Variants in VPS13B observed in about 807,000 individuals in gnomAD.
VPS13B encodes the protein intermembrane lipid transfer protein VPS13B.
A neutral mutation model predicts 426.4 loss-of-function variants in VPS13B; 285 were observed. That is an observed-to-expected ratio of 0.67 (90% CI 0.61 to 0.74). The LOEUF (loss-of-function observed/expected upper bound fraction) is 0.74. VPS13B is among the 30% of genes least tolerant of loss of function. VPS13B has a pLI of 0.00. For missense variants in VPS13B, 4,537 were observed against 4,782.6 expected (o/e 0.95, Z 1.51); for synonymous variants, 1,676 against 1,676.4 (o/e 1.00, Z 0.01).
intron 17 of VPS13B, among the ~76,000 whole-genome samples, chr8:99,224,501 A>C (rs1305397708): frequency 1.3e-5 from 2 of 152,200 alleles, no homozygotes; most frequent in Non-Finnish European, 2.9e-5. Context: ...TTAGGATTGA[A>C]TAATGGGTTT....
At chr8:99,229,006 T>C (rs1411861666) in intron 17 of VPS13B, among the ~76,000 whole-genome samples, 1 of 152,186 alleles carries the variant, frequency 6.6e-6, no homozygotes, top group African/African-American at 2.4e-5. Context: ...TTCTGTGCGC[T>C]GTTAAAAATG....
intron 29 of VPS13B, among the ~76,000 whole-genome samples, chr8:99,514,336 A>G (rs1396683508): frequency 1.3e-5 from 2 of 152,192 alleles, no homozygotes; most frequent in Admixed American, 6.5e-5. Flanking sequence ...CATTTTAAGT[A>G]TATAATTCAG....
chr8:99,789,580 C>A (rs1213668615), intron 43 of VPS13B, among the ~76,000 whole-genome samples: 1 of 152,080 alleles, frequency 6.6e-6, no homozygotes, highest in African/African-American at 2.4e-5. Flanking sequence ...AATCTACCCA[C>A]TGGAGAGAAG....
Position 99,550,555 on chromosome 8 carries a change from G to A in VPS13B, c.4746-5895G>A, listed in dbSNP as rs547749529. On this transcript the variant is annotated intron_variant, in intron 30 of 61. Coordinates refer to ENST00000357162, the MANE Select transcript of VPS13B (RefSeq NM_152564.5). ...ATCTTTATCTTTTTTTCCCTTTAAT[G>A]CTAGAAATTTGTCTATTTTTGGCTT... Among the ~76,000 whole-genome samples the A allele has an allele frequency of 2.0e-5, 3 of 151,120 alleles. No individual in the cohort carries two copies. In the South Asian group the frequency reaches 6.3e-4, roughly 32 times the overall value.
At position 99,534,159 on chromosome 8, in the gene VPS13B, C is replaced by T. The variant is rs537804739; in HGVS notation, c.4745+13149C>T. ...AAATATTATCGGCAGAGTTTTAGTG[C>T]GTCATGGTATTCTGCTGATTTAGTT... On this transcript the variant is annotated intron_variant, in intron 30 of 61. Coordinates refer to ENST00000357162, the MANE Select transcript of VPS13B (RefSeq NM_152564.5). 1.3e-4 allele frequency among the ~76,000 whole-genome samples: 20 copies of T among 152,248 alleles called. 1 individual carries two copies. In the South Asian group the frequency reaches 2.9e-3, roughly 22 times the overall value.
chr8:99,609,412 A>G (rs1017834990), intron 33 of VPS13B, among the ~76,000 whole-genome samples: 3 of 152,180 alleles, frequency 2.0e-5, no homozygotes, highest in African/African-American at 7.2e-5. Flanking sequence ...ATTTTTGCTT[A>G]AAAGCTTAAA....
chr8:99,762,243 T>C (rs1810970822), intron 39 of VPS13B, among the ~76,000 whole-genome samples: 1 of 152,028 alleles, frequency 6.6e-6, no homozygotes, highest in African/African-American at 2.4e-5. Context: ...CCAGGCTGAT[T>C]TCAAACTCCT....
intron 33 of VPS13B, among the ~76,000 whole-genome samples, chr8:99,582,646 TTTTC>T (rs1826119001): frequency 6.6e-6 from 1 of 151,994 alleles, no homozygotes; most frequent in African/African-American, 2.4e-5. Context: ...CATTGCCACA[TTTTC>T]TTTTTTTTCT....
chr8:99,381,100 A>T (rs1185011765), intron 19 of VPS13B, among the ~76,000 whole-genome samples: 1 of 151,276 alleles, frequency 6.6e-6, no homozygotes, highest in African/African-American at 2.4e-5. Context: ...TTTCTCCTCT[A>T]TGTGTCCATG....
intron 18 of VPS13B, 152 bp from the exon 19 acceptor site, chr8:99,274,929 A>AT (rs1818814099): frequency 9.1e-6 from 6 of 656,066 alleles, no homozygotes; most frequent in Non-Finnish European, 1.4e-5. Flanking sequence ...AATGCTTTAC[A>AT]TTTTATGAGA....
chr8:99,642,283 C>T lies in VPS13B; in HGVS notation c.5693C>T (p.Ala1898Val), dbSNP rs746871487. Residue 1898 changes from alanine (A) to valine (V), a missense_variant, in exon 34 of 62, where the codon GCA becomes GTA. Ala to Val is a moderately conservative substitution (Grantham distance 64). Transcript: ENST00000357162. Reference sequence around the variant, plus strand: ...GTCCTCTCTCTTGAAAGTCTTCATGCATCCACAAGGTCATCTGCTAGACAA... The same window carrying T: ...GTCCTCTCTCTTGAAAGTCTTCATGTATCCACAAGGTCATCTGCTAGACAA... ...IGVLSLESLH[A>V]STRSSARQAL... The T allele has an allele frequency of 6.2e-7, 1 of 1,614,150 alleles. No individual in the cohort carries two copies. Among genetic ancestry groups the T allele is most frequent in the Non-Finnish European group, 8.5e-7 (1 of 1,180,014 alleles).
chr8:99,524,395 C>G (rs76880276), intron 30 of VPS13B, among the ~76,000 whole-genome samples: 1 of 152,196 alleles, frequency 6.6e-6, no homozygotes, highest in Non-Finnish European at 1.5e-5. Context: ...GAATACAAAG[C>G]AGATATAACC....
At chr8:99,300,018 G>A (rs1820274407) in intron 19 of VPS13B, among the ~76,000 whole-genome samples, 1 of 152,106 alleles carries the variant, frequency 6.6e-6, no homozygotes, top group African/African-American at 2.4e-5. Flanking sequence ...TGTCTAATGG[G>A]AACATGTGCC....
chr8:99,052,860 G>T (rs981215717), intron 3 of VPS13B, among the ~76,000 whole-genome samples: 24 of 152,162 alleles, frequency 1.6e-4, no homozygotes, highest in Non-Finnish European at 2.9e-4. Flanking sequence ...TTGTATTTCT[G>T]TGGGATTGGT....
intron 33 of VPS13B, among the ~76,000 whole-genome samples, chr8:99,625,939 C>G (rs1415260100): frequency 1.3e-5 from 2 of 152,026 alleles, no homozygotes; most frequent in African/African-American, 4.8e-5. Context: ...GTACTAAAAT[C>G]TGGAATGAAA....
intron 17 of VPS13B, among the ~76,000 whole-genome samples, chr8:99,250,664 CTTTTTTTTTTTTTTTTTTTT>C (rs60698750): frequency 2.0e-4 from 7 of 35,768 alleles, no homozygotes; most frequent in South Asian, 1.4e-3. Context: ...TGTGTTTATT[CTTTTTTTTTTTTTTTTTTTT>C]TTTTTTTTTT....
intron 25 of VPS13B, among the ~76,000 whole-genome samples, chr8:99,500,719 GT>G (rs1259155892): frequency 7.2e-5 from 11 of 152,276 alleles, no homozygotes; most frequent in African/African-American, 2.4e-4. Flanking sequence ...AAGCTCGCAA[GT>G]TTTGTTTGCA....
chr8:99,357,964 T>C (rs1364480689), intron 19 of VPS13B, among the ~76,000 whole-genome samples: 1 of 151,868 alleles, frequency 6.6e-6, no homozygotes, highest in Non-Finnish European at 1.5e-5. Context: ...AGTTTCTTCA[T>C]TGGTAAAATG....
chr8:99,415,469 G>C (rs1228126577), intron 21 of VPS13B, among the ~76,000 whole-genome samples: 1 of 151,994 alleles, frequency 6.6e-6, no homozygotes, highest in Non-Finnish European at 1.5e-5. Flanking sequence ...GCAAGGAGTT[G>C]TGATCCTTTG....
Sources: gnomAD v4.1 joint callset for allele counts (sites outside exome capture counted in the v4.1 genomes callset) on GRCh38, gnomAD v4.1.1 for gene constraint, MANE v1.5 for transcripts, NCBI Gene and HGNC (gene_info 2026-07-23, HGNC 2026-07-21) for gene names.